RAB33B: variants seen among roughly 807,000 people sequenced by gnomAD.
The protein encoded by RAB33B is RAB33B, member RAS oncogene family.
In RAB33B, 6 loss-of-function variants were observed where a neutral mutation model predicts 15.0. The ratio of observed to expected loss-of-function variants is 0.40; its 90% CI spans 0.22 to 0.79. The LOEUF (loss-of-function observed/expected upper bound fraction) is 0.79, where lower values mean the gene tolerates loss of function less well. Ranked by LOEUF, RAB33B falls within the 30% of genes least tolerant of loss-of-function variation. The probability of loss-of-function intolerance (pLI) is 0.37; values close to 1 mark genes in which losing one functional copy is unlikely to be tolerated. For missense variants in RAB33B, 257 were observed against 296.4 expected, an observed-to-expected ratio of 0.87 and a Z score of 0.98; for synonymous variants, 117 against 108.3, an observed-to-expected ratio of 1.08 and a Z score of -0.50.
upstream of RAB33B, chr4:139,450,074 T>G (rs1324965659): frequency 6.6e-6 from 1 of 152,218 alleles, no homozygotes; most frequent in Non-Finnish European, 1.5e-5. Context: ...CTTCTGCAGA[T>G]AAAGTATAAA....
At chr4:139,442,062 AC>A in the RAB33B span, among the ~76,000 whole-genome samples, 1 of 152,160 alleles carries the variant, frequency 6.6e-6, no homozygotes, top group Non-Finnish European at 1.5e-5. Flanking sequence ...TTTCTCCTTG[AC>A]CCAGATTTAA....
the RAB33B span, among the ~76,000 whole-genome samples, chr4:139,444,036 G>A: frequency 1.4e-4 from 22 of 152,196 alleles, no homozygotes; most frequent in Non-Finnish European, 2.2e-4. Flanking sequence ...CACTATACTC[G>A]AAAATAACTG....
chr4:139,449,273 G>T (rs1749880578), upstream of RAB33B: 1 of 152,218 alleles, frequency 6.6e-6, no homozygotes, highest in Non-Finnish European at 1.5e-5. Context: ...ACAAAGGATA[G>T]TTGTATTAGG....
chr4:139,461,407 G>A (rs996176307), intron 1 of RAB33B, among the ~76,000 whole-genome samples: 1 of 152,156 alleles, frequency 6.6e-6, no homozygotes, highest in Non-Finnish European at 1.5e-5. Context: ...AGACTTACTC[G>A]TTTTGTGGCC....
chr4:139,464,101 C>T (rs985072529), intron 1 of RAB33B, among the ~76,000 whole-genome samples: 1 of 149,372 alleles, frequency 6.7e-6, no homozygotes, highest in Non-Finnish European at 1.5e-5. Flanking sequence ...AGTGTGACCA[C>T]CCCCCCACTG....
At chr4:139,451,321 C>T (rs1303189333), upstream of RAB33B, 1 of 151,924 alleles carries the variant, frequency 6.6e-6, no homozygotes, top group Non-Finnish European at 1.5e-5. Flanking sequence ...CAGCCTCAGC[C>T]TCCTGAGTAG....
At chr4:139,458,836 C>T (rs1750117027) in intron 1 of RAB33B, among the ~76,000 whole-genome samples, 1 of 152,200 alleles carries the variant, frequency 6.6e-6, no homozygotes, top group Non-Finnish European at 1.5e-5. Flanking sequence ...AATCACACCA[C>T]TTTCCACAAG....
rs1750419729 is a variant in RAB33B at position 139,472,985 on chromosome 4, T to C, written c.549T>C (p.Asn183=). The C allele has an allele frequency of 1.2e-6, 2 of 1,614,024 alleles. No homozygotes were observed. Among genetic ancestry groups the C allele is most frequent in the African/African-American group, 1.3e-5 (1 of 74,916 alleles). ...PLFETSAKNP[N]DNDHVEAIFM... is the part of the protein sequence containing the mutation. Reference sequence around the variant, plus strand: ...TTGAAACGTCTGCTAAAAACCCCAATGATAATGACCATGTGGAAGCTATAT... The same window carrying C: ...TTGAAACGTCTGCTAAAAACCCCAACGATAATGACCATGTGGAAGCTATAT... Residue 183 remains asparagine, a synonymous_variant, in exon 2 of 2, where the codon AAT becomes AAC. Coordinates refer to ENST00000305626, the MANE Select transcript of RAB33B (RefSeq NM_031296.3).
chr4:139,450,182 C>T (rs375696535), upstream of RAB33B: 329 of 152,324 alleles, frequency 2.2e-3, no homozygotes, highest in African/African-American at 7.5e-3. Context: ...ATTAACTCCA[C>T]AGTGATCCTA....
At chr4:139,448,246 C>T (rs368189582), upstream of RAB33B, among the ~76,000 whole-genome samples, 9 of 152,274 alleles carry the variant, frequency 5.9e-5, no homozygotes, top group African/African-American at 2.2e-4. Flanking sequence ...AAAAAAACCA[C>T]GACCTGCTGA....
Position 139,454,154 on chromosome 4 carries a change from G to T in RAB33B, c.-42G>T, listed in dbSNP as rs769846792. On this transcript the variant is annotated 5_prime_UTR_variant, in exon 1 of 2. Transcript: ENST00000305626. Reference sequence around the variant, plus strand: ...GGTGGCGTAATCTCTCAGCCTTTCTGTGTCTCCTTTCCTCCGCCTCAGTTT... The same window carrying T: ...GGTGGCGTAATCTCTCAGCCTTTCTTTGTCTCCTTTCCTCCGCCTCAGTTT... The T allele has an allele frequency of 1.3e-6, 2 of 1,573,382 alleles. No individual in the cohort carries two copies. Among genetic ancestry groups the T allele is most frequent in the East Asian group, 2.2e-5 (1 of 44,526 alleles).
In RAB33B at chr4:139,457,945, T is replaced by C. The variant is rs540938656; in HGVS notation, c.249+3501T>C. On this transcript the variant is annotated intron_variant, in intron 1 of 1. Transcript: ENST00000305626. ...ATTAACTGTCTTGTCTTCAAAATTCTAGTTCAAGTCCTTTTTTTAACCTCT... is the reference window on the plus strand; with the variant it reads ...ATTAACTGTCTTGTCTTCAAAATTCCAGTTCAAGTCCTTTTTTTAACCTCT... 5.3e-4 allele frequency among the ~76,000 whole-genome samples: 80 copies of C among 152,238 alleles called. 1 individual carries two copies. Among genetic ancestry groups the C allele is most frequent in the Non-Finnish European group, 1.0e-3 (68 of 68,038 alleles).
Position 139,460,445 on chromosome 4 carries a change from T to C in RAB33B, c.249+6001T>C, listed in dbSNP as rs186226498. ...CATGATGAAGATGACATTCAGTGAA[T>C]GCTGTGTAAATATAAAATATAAATT... On this transcript the variant is annotated intron_variant, in intron 1 of 1. Coordinates refer to ENST00000305626, the MANE Select transcript of RAB33B (RefSeq NM_031296.3). Among the ~76,000 whole-genome samples, 1,265 of 152,350 alleles carry C rather than the reference T, an allele frequency of 8.3e-3. 6 individuals carry two copies. Among genetic ancestry groups the C allele is most frequent in the Non-Finnish European group, 0.013 (877 of 68,030 alleles).
Position 139,472,858 on chromosome 4 carries a change from T to C in RAB33B, c.422T>C (p.Ile141Thr). Residue 141 changes from isoleucine to threonine, a missense_variant, in exon 2 of 2, where the codon ATA (isoleucine) becomes ACA (threonine). Physicochemically the swap from Ile to Thr is moderately conservative, Grantham distance 89. Transcript: ENST00000305626. ...ECKQHLLAND[I>T]PRILVGNKCD... Reference sequence around the variant, plus strand: ...AAACAACATTTGCTAGCCAATGATATACCACGGATTCTTGTTGGAAATAAA... The same window carrying C: ...AAACAACATTTGCTAGCCAATGATACACCACGGATTCTTGTTGGAAATAAA... The C allele has an allele frequency of 1.2e-6, 2 of 1,614,230 alleles. No individual in the cohort carries two copies. The highest frequency in any genetic ancestry group is 1.3e-5 in the African/African-American group (1 of 75,064).
rs558276110 is a variant in RAB33B at position 139,473,547 on chromosome 4, C to CT, written c.*428dup. The CT allele has an allele frequency of 7.1e-4, 114 of 160,956 alleles. No individual in the cohort carries two copies. The highest frequency in any genetic ancestry group is 2.4e-3 in the African/African-American group (99 of 41,660). 10.0% of individuals were successfully genotyped at this position (160,956 alleles called of 1,614,324 possible). A position where few individuals can be genotyped will look rare whatever the true frequency, so the allele number is the denominator to read the frequency against. On this transcript the variant is annotated 3_prime_UTR_variant, in exon 2 of 2. Coordinates refer to ENST00000305626, the MANE Select transcript of RAB33B (RefSeq NM_031296.3). ...CTGGTATTTGCCTCTCCCCAGAGTACTTTTTTTGTTTTTTCATAGAGACGG... is the reference window on the plus strand; with the variant it reads ...CTGGTATTTGCCTCTCCCCAGAGTACTTTTTTTTGTTTTTTCATAGAGACGG...
intron 1 of RAB33B, among the ~76,000 whole-genome samples, chr4:139,462,930 C>T (rs577692198): frequency 1.8e-4 from 27 of 152,244 alleles, no homozygotes; most frequent in African/African-American, 5.8e-4. Flanking sequence ...AATCTCAGCA[C>T]TTTGGGAGGC....
At chr4:139,463,765 G>T (rs2111077809) in intron 1 of RAB33B, among the ~76,000 whole-genome samples, 1 of 152,290 alleles carries the variant, frequency 6.6e-6, no homozygotes, top group South Asian at 2.1e-4. Flanking sequence ...TTAATCAGTT[G>T]TCCTGTCGTG....
At chr4:139,457,673 G>T (rs181611005) in intron 1 of RAB33B, among the ~76,000 whole-genome samples, 1 of 152,060 alleles carries the variant, frequency 6.6e-6, no homozygotes, top group African/African-American at 2.4e-5. Context: ...ATTATGATAC[G>T]GCACAAGGGT....
Position 139,465,897 on chromosome 4 carries a change from C to A in RAB33B, c.250-6789C>A, listed in dbSNP as rs1410628060. Among the ~76,000 whole-genome samples, 5 of 143,938 alleles carry A rather than the reference C, an allele frequency of 3.5e-5. No individual in the cohort carries two copies. The South Asian group carries it at 1.1e-3, about 32-fold the overall frequency. The allele number at this position is 143,938 out of a possible 152,430, so 94.4% of individuals were successfully genotyped here. On this transcript the variant is annotated intron_variant, in intron 1 of 1. Coordinates refer to ENST00000305626, the MANE Select transcript of RAB33B (RefSeq NM_031296.3). Reference sequence around the variant, plus strand: ...GGTGCATGCCACCACTCCCAGCTCACTTTTTTTTTTTTAAGAGACGAGGTC... The same window carrying A: ...GGTGCATGCCACCACTCCCAGCTCAATTTTTTTTTTTTAAGAGACGAGGTC...
Sources: gnomAD v4.1 joint callset for allele counts (sites outside exome capture counted in the v4.1 genomes callset) on GRCh38, gnomAD v4.1.1 for gene constraint, MANE v1.5 for transcripts, NCBI Gene and HGNC (gene_info 2026-07-23, HGNC 2026-07-21) for gene names.